Variants in EPHA7 observed in about 807,000 individuals in gnomAD.
The protein encoded by EPHA7 is EPH receptor A7.
EPHA7 carries 25 observed loss-of-function variants against 112.6 expected under a neutral mutation model. The observed-to-expected ratio is 0.22, with a 90% CI of 0.16 to 0.31. EPHA7 has a LOEUF of 0.31. Among genes scored for constraint, EPHA7 ranks in the 10% least tolerant of loss-of-function variants. The probability of loss-of-function intolerance (pLI) is 1.00; values close to 1 mark genes in which losing one functional copy is unlikely to be tolerated. For missense variants in EPHA7, 962 were observed against 1,212.6 expected (o/e 0.79, Z 3.07); for synonymous variants, 437 against 406.5 (o/e 1.07, Z -0.90).
chr6:93,247,414 G>A (rs1042540683), intron 14 of EPHA7, among the ~76,000 whole-genome samples: 1 of 152,052 alleles, frequency 6.6e-6, no homozygotes, highest in Non-Finnish European at 1.5e-5. Flanking sequence ...TTTTAAACAG[G>A]GTAGCAAAAT....
chr6:93,357,360 T>C (rs1256190729), intron 4 of EPHA7, among the ~76,000 whole-genome samples: 1 of 152,164 alleles, frequency 6.6e-6, no homozygotes, highest in Non-Finnish European at 1.5e-5. Flanking sequence ...TTCCAAGCAA[T>C]TAAAACAGTA....
chr6:93,328,815 G>C (rs1774449612), intron 5 of EPHA7, among the ~76,000 whole-genome samples: 1 of 151,250 alleles, frequency 6.6e-6, no homozygotes. Flanking sequence ...ATAGAAAATG[G>C]CATGGTCTCC....
intron 5 of EPHA7, among the ~76,000 whole-genome samples, chr6:93,337,268 C>G (rs1331794364): frequency 6.6e-6 from 1 of 152,146 alleles, no homozygotes; most frequent in Non-Finnish European, 1.5e-5. Context: ...CCAGTGACTG[C>G]ACACCATTTC....
chr6:93,297,648 C>T (rs1388129273), intron 5 of EPHA7, among the ~76,000 whole-genome samples: 1 of 152,038 alleles, frequency 6.6e-6, no homozygotes, highest in East Asian at 1.9e-4. Context: ...GTGCCAGTTG[C>T]CACTGGTTAT....
At chr6:93,337,463 C>T (rs955227939) in intron 5 of EPHA7, among the ~76,000 whole-genome samples, 13 of 152,094 alleles carry the variant, frequency 8.5e-5, no homozygotes, top group Non-Finnish European at 1.8e-4. Flanking sequence ...AACATAAAAT[C>T]AGTTTGGGCA....
intron 3 of EPHA7, among the ~76,000 whole-genome samples, chr6:93,361,576 A>G (rs1776263419): frequency 6.6e-6 from 1 of 152,074 alleles, no homozygotes. Context: ...AGACGAGCTC[A>G]CCAACTACTC....
At chr6:93,355,161 G>GT (rs1450555966) in intron 5 of EPHA7, among the ~76,000 whole-genome samples, 1 of 152,066 alleles carries the variant, frequency 6.6e-6, no homozygotes. Context: ...AGTAAAATAG[G>GT]TAAGTCCAGG....
chr6:93,280,225 G>C (rs1163191355), intron 5 of EPHA7, among the ~76,000 whole-genome samples: 1 of 152,120 alleles, frequency 6.6e-6, no homozygotes, highest in Non-Finnish European at 1.5e-5. Flanking sequence ...AGACAGTAAA[G>C]AGCAAAACAC....
At chr6:93,368,323 G>C (rs1259597158) in intron 3 of EPHA7, among the ~76,000 whole-genome samples, 1 of 152,124 alleles carries the variant, frequency 6.6e-6, no homozygotes, top group Non-Finnish European at 1.5e-5. Flanking sequence ...CAAAGCTGTA[G>C]CATTTCATCA....
intron 5 of EPHA7, among the ~76,000 whole-genome samples, chr6:93,279,490 A>C (rs928079060): frequency 1.3e-5 from 2 of 152,158 alleles, no homozygotes; most frequent in African/African-American, 2.4e-5. Context: ...AAAATATTTC[A>C]AAGTGGTCTA....
chr6:93,335,526 T>A (rs1229454106), intron 5 of EPHA7, among the ~76,000 whole-genome samples: 7 of 152,078 alleles, frequency 4.6e-5, no homozygotes, highest in Non-Finnish European at 1.0e-4. Context: ...ATTATATTTT[T>A]AAAAAGCACC....
intron 15 of EPHA7, among the ~76,000 whole-genome samples, chr6:93,246,129 GC>G (rs1414596168): frequency 1.3e-5 from 2 of 151,310 alleles, no homozygotes; most frequent in Non-Finnish European, 2.9e-5. Context: ...TCAGCTCACT[GC>G]CACCTCTGCC....
Position 93,414,655 on chromosome 6 carries a change from T to G in EPHA7, c.162+48A>C, listed in dbSNP as rs771609016. 5.8e-5 allele frequency: 83 copies of G among 1,442,926 alleles called. No individual in the cohort carries two copies. The South Asian group carries it at 9.1e-4, about 16-fold the overall frequency. The allele number at this position is 1,442,926 out of a possible 1,614,324, so 89.4% of individuals were successfully genotyped here. A position where few individuals can be genotyped will look rare whatever the true frequency, so the allele number is the denominator to read the frequency against. ...TTACCCTGGAGGGAAGGGAAACGTTTTGTTTCTTATTTTAAAAAAGTGATA... is the reference window on the plus strand; with the variant it reads ...TTACCCTGGAGGGAAGGGAAACGTTGTGTTTCTTATTTTAAAAAAGTGATA... On this transcript the variant is annotated intron_variant, in intron 2 of 16. Coordinates refer to ENST00000369303, the MANE Select transcript of EPHA7 (RefSeq NM_004440.4).
At chr6:93,366,927 C>T (rs1311151573) in intron 3 of EPHA7, among the ~76,000 whole-genome samples, 2 of 150,650 alleles carry the variant, frequency 1.3e-5, no homozygotes, top group African/African-American at 2.4e-5. Context: ...GAGAGTTCAC[C>T]CCATAGATTA....
intron 5 of EPHA7, among the ~76,000 whole-genome samples, chr6:93,323,818 C>A (rs1206657107): frequency 6.6e-6 from 1 of 151,368 alleles, no homozygotes. Flanking sequence ...ATTCTACCAG[C>A]TGGATCTCCA....
At chr6:93,253,007 C>T (rs1211917247) in intron 14 of EPHA7, among the ~76,000 whole-genome samples, 2 of 151,898 alleles carry the variant, frequency 1.3e-5, no homozygotes, top group Admixed American at 1.3e-4. Context: ...TTCTTCTTAA[C>T]CATTTCCATT....
chr6:93,260,804 C>T (rs1293699721), intron 9 of EPHA7: 13 of 916,582 alleles, frequency 1.4e-5, no homozygotes, highest in South Asian at 5.0e-5. Context: ...AAAAACAACA[C>T]GAGAAGAAAA....
chr6:93,376,993 C>T (rs1265577909), intron 3 of EPHA7, among the ~76,000 whole-genome samples: 1 of 152,066 alleles, frequency 6.6e-6, no homozygotes, highest in Non-Finnish European at 1.5e-5. Context: ...ATCAAAGATC[C>T]ATAAAAAATT....
intron 3 of EPHA7, among the ~76,000 whole-genome samples, chr6:93,396,893 T>G (rs1778199970): frequency 6.6e-6 from 1 of 151,712 alleles, no homozygotes; most frequent in Non-Finnish European, 1.5e-5. Flanking sequence ...TGTTAACCCT[T>G]TTGTTAGACT....
Sources: allele counts gnomAD v4.1 joint callset (sites outside exome capture counted in the v4.1 genomes callset), GRCh38; gene constraint gnomAD v4.1.1; transcripts MANE v1.5; gene names NCBI Gene and HGNC (gene_info 2026-07-23, HGNC 2026-07-21).